The following RYR3 variants were observed in gnomAD, a reference collection of about 807,000 sequenced individuals.
RYR3 encodes the protein ryanodine receptor 3.
RYR3 carries 207 observed loss-of-function variants against 584.3 expected under a neutral mutation model. The ratio of observed to expected loss-of-function variants is 0.35; its 90% confidence interval spans 0.32 to 0.40. The LOEUF (loss-of-function observed/expected upper bound fraction) is 0.40. RYR3 is among the 10% of genes least tolerant of loss of function. The probability of loss-of-function intolerance (pLI) is 1.00; values close to 1 mark genes in which losing one functional copy is unlikely to be tolerated. For missense variants in RYR3, 5,616 were observed against 6,089.2 expected (o/e 0.92, Z 2.59); for synonymous variants, 2,416 against 2,248.5 (o/e 1.07, Z -2.11).
chr15:33,341,725 G>A (rs1037469095), intron 1 of RYR3, among the ~76,000 whole-genome samples: 1 of 152,130 alleles, frequency 6.6e-6, no homozygotes, highest in African/African-American at 2.4e-5. Flanking sequence ...TAGAGGCTCA[G>A]TCAGGCTGAA....
At chr15:33,821,390 A>T in intron 79 of RYR3, 21 bp downstream of exon 79, 1 of 1,592,272 alleles carries the variant, frequency 6.3e-7, no homozygotes, top group South Asian at 1.1e-5. Context: ...TAGTTTCTGG[A>T]TGGGCTTATG....
intron 16 of RYR3, among the ~76,000 whole-genome samples, chr15:33,590,044 G>A (rs1484850053): frequency 2.6e-5 from 4 of 152,106 alleles, no homozygotes; most frequent in Admixed American, 6.5e-5. Context: ...GATTTGGGTG[G>A]GTAGTGGAAA....
chr15:33,505,488 T>G (rs2052390627), intron 3 of RYR3, among the ~76,000 whole-genome samples: 1 of 152,138 alleles, frequency 6.6e-6, no homozygotes. Flanking sequence ...CACTTCCAGT[T>G]TAGGGAAACT....
chr15:33,481,999 T>G (rs1233667900), intron 2 of RYR3, among the ~76,000 whole-genome samples: 1 of 152,048 alleles, frequency 6.6e-6, no homozygotes, highest in Non-Finnish European at 1.5e-5. Flanking sequence ...AAGAAGAACC[T>G]TTTATAAAAT....
chr15:33,426,620 C>T (rs2044675263), intron 1 of RYR3, among the ~76,000 whole-genome samples: 1 of 152,174 alleles, frequency 6.6e-6, no homozygotes, highest in Non-Finnish European at 1.5e-5. Context: ...GTATTCTTAT[C>T]ATCTGGATTT....
intron 37 of RYR3, 113 bp from the exon 38 acceptor site, chr15:33,670,306 G>C (rs1181734988): frequency 1.9e-6 from 2 of 1,074,252 alleles, no homozygotes; most frequent in Middle Eastern, 2.6e-4. Context: ...AAAGCCTGTA[G>C]TATCTTTAGA....
chr15:33,816,926 T>C lies in RYR3; in HGVS notation c.10567T>C (p.Ser3523Pro), dbSNP rs1330862856. The change falls in exon 75 of 104, where the codon TCC becomes CCC. Residue 3523 changes from serine (S) to proline (P), a missense_variant. Transcript: ENST00000634891. Reference protein sequence around the residue: ...QRFWIETEEYSFEEKLVQDLA... With the variant: ...QRFWIETEEYPFEEKLVQDLA... ...ATTTTGGATAGAAACAGAGGAGTAT[T>C]CCTTTGAAGAGAAACTAGTACAGGA... The C allele has an allele frequency of 4.3e-6, 7 of 1,611,318 alleles. No homozygotes were observed. The highest frequency in any genetic ancestry group is 5.9e-6 in the Non-Finnish European group (7 of 1,178,378).
Position 33,731,578 on chromosome 15 carries a change from A to G in RYR3, c.7308A>G (p.Glu2436=), listed in dbSNP as rs2068957081. Residue 2436 remains glutamate (E), a synonymous_variant, in exon 48 of 104, where the codon GAA becomes GAG. Coordinates refer to ENST00000634891, the MANE Select transcript of RYR3 (RefSeq NM_001036.6). Reference sequence around the variant, plus strand: ...GTGCCCCTCTCTTTGCCGGAACAGAACACTGCACCTCTCTGATTGATTCCA... The same window carrying G: ...GTGCCCCTCTCTTTGCCGGAACAGAGCACTGCACCTCTCTGATTGATTCCA... ...TRCAPLFAGT[E]HCTSLIDSTL... is the part of the protein sequence containing the mutation. 5.6e-6 allele frequency: 9 copies of G among 1,613,892 alleles called. No individual in the cohort carries two copies. The highest frequency in any genetic ancestry group is 7.6e-6 in the Non-Finnish European group (9 of 1,179,734).
At chr15:33,468,892 C>A (rs1332432313) in intron 1 of RYR3, among the ~76,000 whole-genome samples, 1 of 152,140 alleles carries the variant, frequency 6.6e-6, no homozygotes, top group African/African-American at 2.4e-5. Context: ...GGCTCTGCCC[C>A]CTGCCACCAT....
chr15:33,701,119 G>A (rs2280419), intron 42 of RYR3, 39 bp downstream of exon 42: 433,968 of 1,381,834 alleles, frequency 0.31, 68,643 homozygotes, highest in African/African-American at 0.41. Flanking sequence ...TGTTCTCTTC[G>A]GCCTGTAGTG....
At chr15:33,545,263 T>C (rs1043657030) in intron 8 of RYR3, among the ~76,000 whole-genome samples, 2 of 152,162 alleles carry the variant, frequency 1.3e-5, no homozygotes, top group Non-Finnish European at 2.9e-5. Flanking sequence ...GGACAGAAAC[T>C]GCTACTTAGG....
At chr15:33,545,019 T>A (rs2056131692) in intron 8 of RYR3, among the ~76,000 whole-genome samples, 2 of 152,178 alleles carry the variant, frequency 1.3e-5, no homozygotes, top group South Asian at 4.1e-4. Flanking sequence ...TGATATCATA[T>A]CCTGCTGCAT....
At chr15:33,597,271 A>C (rs2059422224) in intron 16 of RYR3, among the ~76,000 whole-genome samples, 1 of 152,204 alleles carries the variant, frequency 6.6e-6, no homozygotes, top group South Asian at 2.1e-4. Flanking sequence ...GGCAATACTT[A>C]AGGCATTTAT....
intron 36 of RYR3, among the ~76,000 whole-genome samples, chr15:33,664,180 G>T (rs949158623): frequency 6.6e-6 from 1 of 152,058 alleles, no homozygotes; most frequent in Non-Finnish European, 1.5e-5. Context: ...CTTCTAATGC[G>T]TCTAAACCCC....
intron 9 of RYR3, among the ~76,000 whole-genome samples, chr15:33,549,472 A>G (rs567465242): frequency 3.3e-5 from 5 of 152,366 alleles, no homozygotes; most frequent in African/African-American, 1.2e-4. Flanking sequence ...AATATTTTAA[A>G]AAGATAAATT....
At chr15:33,760,808 C>A (rs1032163942) in intron 60 of RYR3, among the ~76,000 whole-genome samples, 1 of 152,200 alleles carries the variant, frequency 6.6e-6, no homozygotes, top group Non-Finnish European at 1.5e-5. Context: ...TTCTTCTCAG[C>A]ACCACATGCA....
At chr15:33,802,211 GC>G in intron 69 of RYR3, 1 of 585,360 alleles carries the variant, frequency 1.7e-6, no homozygotes, top group East Asian at 3.6e-5. Context: ...CTTGCCTAAG[GC>G]ATTTGAGAGG....
intron 16 of RYR3, among the ~76,000 whole-genome samples, chr15:33,595,364 C>A (rs2059321564): frequency 1.3e-5 from 2 of 152,064 alleles, no homozygotes; most frequent in Non-Finnish European, 2.9e-5. Context: ...CTTCCGTAAG[C>A]CTTTTGTAAC....
intron 19 of RYR3, among the ~76,000 whole-genome samples, chr15:33,620,807 T>G (rs1480621748): frequency 4.6e-5 from 7 of 152,194 alleles, no homozygotes; most frequent in Non-Finnish European, 2.9e-5. Flanking sequence ...AGGTGGTGGG[T>G]GTGCCCTGGA....
Sources: gnomAD v4.1 joint callset for allele counts (sites outside exome capture counted in the v4.1 genomes callset) on GRCh38, gnomAD v4.1.1 for gene constraint, MANE v1.5 for transcripts, NCBI Gene and HGNC (gene_info 2026-07-23, HGNC 2026-07-21) for gene names.